The following CEP162 variants were observed in gnomAD, a reference collection of about 807,000 sequenced individuals.
CEP162 encodes centrosomal protein of 162 kDa.
CEP162 carries 141 observed loss-of-function variants against 169.2 expected under a neutral mutation model. That is an observed-to-expected ratio of 0.83 (90% CI 0.73 to 0.96). CEP162 has a LOEUF of 0.96. CEP162 is among the 40% of genes least tolerant of loss of function. The pLI, the probability that CEP162 is intolerant of heterozygous loss-of-function variation, is 0.00. For synonymous variants in CEP162, 540 were observed against 526.4 expected, an observed-to-expected ratio of 1.03 and a Z score of -0.35; for missense variants, 1,600 against 1,587.2, an observed-to-expected ratio of 1.01 and a Z score of -0.14.
Position 84,163,291 on chromosome 6 carries a change from T to C in CEP162, c.2386-21A>G, listed in dbSNP as rs375389099. 11 of 1,567,512 alleles carry C rather than the reference T, an allele frequency of 7.0e-6. No individual in the cohort carries two copies. In the African/African-American group the frequency reaches 8.2e-5, roughly 12 times the overall value. Reference sequence around the variant, plus strand: ...TCTTTCTTGATATTCAAAAGAAATATAAAAGCAAGTTTTTTACAACCACAA... The same window carrying C: ...TCTTTCTTGATATTCAAAAGAAATACAAAAGCAAGTTTTTTACAACCACAA... On this transcript the variant is annotated intron_variant, in intron 18 of 26. Transcript: ENST00000403245.
At chr6:84,169,478 G>A (rs1218724555) in intron 17 of CEP162, 45 bp from the exon 18 acceptor site, 3 of 1,138,882 alleles carry the variant, frequency 2.6e-6, no homozygotes, top group Admixed American at 4.9e-5. Flanking sequence ...TTCTTACCAG[G>A]TGCTCCTTTC....
At position 84,211,526 on chromosome 6, in the gene CEP162, C is replaced by CAAA. The variant is rs960472453; in HGVS notation, c.571+1428_571+1430dup. Among the ~76,000 whole-genome samples, 114 of 35,396 alleles carry CAAA rather than the reference C, an allele frequency of 3.2e-3. 4 individuals are homozygous for CAAA. Among genetic ancestry groups the CAAA allele is most frequent in the African/African-American group, 6.9e-3 (92 of 13,334 alleles). 23.2% of individuals were successfully genotyped at this position (35,396 alleles called of 152,430 possible). A position where few individuals can be genotyped will look rare whatever the true frequency, so the allele number is the denominator to read the frequency against. On this transcript the variant is annotated intron_variant, in intron 6 of 26. Transcript: ENST00000403245. ...TGGCTGACAGAGCAAGATTCTATCT[C>CAAA]AAAAAAAAAAAAAAAAAAAAAAAAG... is the stretch of plus-strand genomic sequence containing the variant.
At chr6:84,204,341 C>T (rs1225866051) in intron 6 of CEP162, among the ~76,000 whole-genome samples, 9 of 152,106 alleles carry the variant, frequency 5.9e-5, no homozygotes, top group East Asian at 1.9e-4. Context: ...AAGCACTCCT[C>T]GGCAAATGTA....
At chr6:84,176,671 T>A (rs148635568) in intron 13 of CEP162, among the ~76,000 whole-genome samples, 1,626 of 152,284 alleles carry the variant, frequency 0.011, 9 homozygotes, top group Non-Finnish European at 0.016. Flanking sequence ...GGATTGGAGA[T>A]GCTAAACTGG....
intron 2 of CEP162, among the ~76,000 whole-genome samples, chr6:84,225,398 G>A (rs554744254): frequency 6.6e-6 from 1 of 152,274 alleles, no homozygotes; most frequent in Admixed American, 6.5e-5. Flanking sequence ...ACATAGAAAA[G>A]TAAACATATG....
chr6:84,187,683 A>T (rs1043598930), intron 11 of CEP162, among the ~76,000 whole-genome samples: 1 of 152,200 alleles, frequency 6.6e-6, no homozygotes, highest in African/African-American at 2.4e-5. Context: ...GGAAACTGAT[A>T]ACTAGAGTCT....
chr6:84,188,853 GTGTATAAA>G (rs2099538404), intron 11 of CEP162, among the ~76,000 whole-genome samples: 1 of 152,114 alleles, frequency 6.6e-6, no homozygotes, highest in Admixed American at 6.6e-5. Flanking sequence ...CCCACCAGCA[GTGTATAAA>G]TGTTCCCTTT....
At chr6:84,213,798 C>T (rs1353152941) in intron 5 of CEP162, among the ~76,000 whole-genome samples, 1 of 152,108 alleles carries the variant, frequency 6.6e-6, no homozygotes, top group African/African-American at 2.4e-5. Context: ...AGTTGTGGCC[C>T]ACAAACCCGC....
At chr6:84,179,519 G>T (rs969691761) in intron 13 of CEP162, among the ~76,000 whole-genome samples, 2 of 150,664 alleles carry the variant, frequency 1.3e-5, no homozygotes, top group African/African-American at 5.0e-5. Context: ...TGATGGGGTT[G>T]TTTTTTTTCT....
chr6:84,193,019 T>C (rs2099540542), intron 11 of CEP162, among the ~76,000 whole-genome samples: 1 of 152,246 alleles, frequency 6.6e-6, no homozygotes, highest in Non-Finnish European at 1.5e-5. Flanking sequence ...AGATGCATTC[T>C]CTACTTGTTA....
rs1363476449 is a variant in CEP162 at position 84,166,931 on chromosome 6, G to GT, written c.2385+2396dup. Among the ~76,000 whole-genome samples, 56 of 152,116 alleles carry GT rather than the reference G, an allele frequency of 3.7e-4. 1 individual carries two copies. The highest frequency in any genetic ancestry group is 1.3e-3 in the African/African-American group (55 of 41,438). ...AGGTATGTTTACATTCTATCTTGCA[G>GT]TATGTGCACAAAAAAATTCCCAAAT... On this transcript the variant is annotated intron_variant, in intron 18 of 26. Coordinates refer to ENST00000403245, the MANE Select transcript of CEP162 (RefSeq NM_014895.4).
chr6:84,177,874 T>C (rs754744922), intron 13 of CEP162, among the ~76,000 whole-genome samples: 2 of 152,176 alleles, frequency 1.3e-5, no homozygotes, highest in Non-Finnish European at 2.9e-5. Flanking sequence ...TTTTTAAAAG[T>C]ATGAAAACTG....
intron 9 of CEP162, among the ~76,000 whole-genome samples, chr6:84,200,241 C>T (rs2099543939): frequency 1.3e-5 from 2 of 152,204 alleles, no homozygotes; most frequent in South Asian, 2.1e-4. Context: ...CAGAGCAAGA[C>T]TCCATCTCAA....
At position 84,215,451 on chromosome 6, in the gene CEP162, C is replaced by A; in HGVS notation, c.334G>T (p.Glu112Ter). 1 of 1,586,352 alleles carries A rather than the reference C, an allele frequency of 6.3e-7. No individual in the cohort carries two copies. Among genetic ancestry groups the A allele is most frequent in the Non-Finnish European group, 8.6e-7 (1 of 1,168,886 alleles). ...ACTCCGAGACTACTATGGTTGAGCT[C>A]AGAAACTACTAGTTCTAAATGGAAA... ...SLETNELVVSELNHSSLGVGL... is the reference protein window; with the variant it reads ...SLETNELVVS The change falls in exon 5 of 27, where the codon GAG becomes TAG. Residue 112 changes from glutamate to a stop codon, truncating the protein, a stop_gained. Transcript: ENST00000403245. LOFTEE classifies it high-confidence loss of function.
rs749498693 is a variant in CEP162, at chr6:84,203,980, C to T, written c.687+1G>A. 8 of 1,585,410 alleles carry T rather than the reference C, an allele frequency of 5.0e-6. No homozygotes were observed. Among genetic ancestry groups the T allele is most frequent in the Non-Finnish European group, 6.0e-6 (7 of 1,160,254 alleles). On this transcript the variant is annotated splice_donor_variant, in intron 7 of 26. Coordinates refer to ENST00000403245, the MANE Select transcript of CEP162 (RefSeq NM_014895.4). LOFTEE classifies it high-confidence loss of function. ...GTCAAATATATAATTGATATATATACCTGTTTGGGCACACTTATTTTTTCT... is the reference window on the plus strand; with the variant it reads ...GTCAAATATATAATTGATATATATATCTGTTTGGGCACACTTATTTTTTCT...
chr6:84,145,479 A>C (rs1479320399), intron 25 of CEP162, among the ~76,000 whole-genome samples: 1 of 152,164 alleles, frequency 6.6e-6, no homozygotes, highest in Non-Finnish European at 1.5e-5. Flanking sequence ...TCTCTGATAG[A>C]AATGAGGGTG....
intron 9 of CEP162, among the ~76,000 whole-genome samples, chr6:84,198,396 G>C (rs1325572851): frequency 1.3e-5 from 2 of 152,090 alleles, no homozygotes; most frequent in East Asian, 3.9e-4. Flanking sequence ...TCCTGCCTCA[G>C]CCTTCTGCGT....
chr6:84,193,412 T>C (rs946903701), intron 11 of CEP162, among the ~76,000 whole-genome samples, 197 bp downstream of exon 11: 1 of 152,248 alleles, frequency 6.6e-6, no homozygotes, highest in African/African-American at 2.4e-5. Context: ...CCAGTTTTTT[T>C]ATAGCATCTA....
At position 84,125,227 on chromosome 6, in the gene CEP162, A is replaced by G. The variant is rs989917575; in HGVS notation, c.4055T>C (p.Val1352Ala). ...CTGTGCCAGTCTTTTCCATTTTTCAACTTCTTTGTTTTGCTCAGTTTCTAC... is the reference window on the plus strand; with the variant it reads ...CTGTGCCAGTCTTTTCCATTTTTCAGCTTCTTTGTTTTGCTCAGTTTCTAC... ...QVVETEQNKE[V>A]EKWKRLAQLK... Residue 1352 changes from valine to alanine, a missense_variant, in exon 27 of 27, where the codon GTT (valine) becomes GCT (alanine). Coordinates refer to ENST00000403245, the MANE Select transcript of CEP162 (RefSeq NM_014895.4). 1 of 1,613,152 alleles carries G rather than the reference A, an allele frequency of 6.2e-7. No individual in the cohort carries two copies. Among genetic ancestry groups the G allele is most frequent in the Non-Finnish European group, 8.5e-7 (1 of 1,179,606 alleles).
Sources: allele counts gnomAD v4.1 joint callset (sites outside exome capture counted in the v4.1 genomes callset), GRCh38; gene constraint gnomAD v4.1.1; transcripts MANE v1.5; gene names NCBI Gene and HGNC (gene_info 2026-07-23, HGNC 2026-07-21).